Variants in SYMPK observed in about 807,000 individuals in gnomAD.
SYMPK encodes symplekin scaffold protein, also known as symplekin.
Under a neutral mutation model 136.4 loss-of-function variants are expected in SYMPK, and 49 were observed. The ratio of observed to expected loss-of-function variants is 0.36; its 90% confidence interval spans 0.29 to 0.46. The LOEUF (loss-of-function observed/expected upper bound fraction) is 0.46. Among genes scored for constraint, SYMPK ranks in the 20% least tolerant of loss-of-function variants. SYMPK has a pLI of 1.00. For missense variants in SYMPK, 1,365 were observed against 1,690.0 expected, an observed-to-expected ratio of 0.81 and a Z score of 3.37; for synonymous variants, 766 against 713.0, an observed-to-expected ratio of 1.07 and a Z score of -1.19.
intron 5 of SYMPK, 80 bp from the exon 6 acceptor site, chr19:45,848,956 G>T: frequency 6.5e-7 from 1 of 1,534,812 alleles, no homozygotes; most frequent in Non-Finnish European, 9.0e-7. Context: ...CAGGAGGGAA[G>T]GGAAATCAGG....
At chr19:45,840,359 A>G (rs1051856287) in intron 9 of SYMPK, among the ~76,000 whole-genome samples, 7 of 150,394 alleles carry the variant, frequency 4.7e-5, no homozygotes, top group Admixed American at 6.6e-5. Context: ...TGGGTAAAAT[A>G]TAACTTTAAA....
intron 9 of SYMPK, among the ~76,000 whole-genome samples, chr19:45,840,276 C>T (rs1971403124): frequency 7.2e-6 from 1 of 139,374 alleles, no homozygotes; most frequent in Admixed American, 7.7e-5. Flanking sequence ...GATCAGGCCA[C>T]TGTACTCCAG....
Position 45,815,626 on chromosome 19 carries a change from A to G in SYMPK, c.3759T>C (p.Asp1253=), listed in dbSNP as rs772255089. 2.5e-6 allele frequency: 4 copies of G among 1,606,274 alleles called. No homozygotes were observed. Among genetic ancestry groups the G allele is most frequent in the Admixed American group, 1.7e-5 (1 of 59,036 alleles). ...SPQTLAPVGE[D]AMKTPSPAAE... Reference sequence around the variant, plus strand: ...CAGCCGGGCTGGGAGTCTTCATAGCATCTTCTCCAACAGGTGCGAGGGTCT... The same window carrying G: ...CAGCCGGGCTGGGAGTCTTCATAGCGTCTTCTCCAACAGGTGCGAGGGTCT... Residue 1253 remains aspartate, a synonymous_variant, in exon 27 of 27, where the codon GAT becomes GAC. Coordinates refer to ENST00000245934, the MANE Select transcript of SYMPK (RefSeq NM_004819.3).
chr19:45,844,912 T>G (rs916846985), intron 7 of SYMPK, among the ~76,000 whole-genome samples: 1 of 152,152 alleles, frequency 6.6e-6, no homozygotes, highest in African/African-American at 2.4e-5. Context: ...AATGGGTATA[T>G]AGTAGGTGTA....
intron 1 of SYMPK, chr19:45,861,831 G>C (rs1331054185): frequency 2.0e-5 from 3 of 151,872 alleles, no homozygotes; most frequent in Admixed American, 2.0e-4. Context: ...GATCACTTGA[G>C]GTCAGGAGTT....
intron 1 of SYMPK, chr19:45,854,879 C>CTTTTT (rs35065812): frequency 1.6e-4 from 25 of 155,330 alleles, no homozygotes; most frequent in South Asian, 4.3e-4. Context: ...AGCAAACTTT[C>CTTTTT]TTTTTTTTTT....
chr19:45,856,950 C>G (rs1362059155), intron 1 of SYMPK, among the ~76,000 whole-genome samples: 1 of 151,626 alleles, frequency 6.6e-6, no homozygotes, highest in African/African-American at 2.4e-5. Context: ...AACACTGTTC[C>G]CTACTAAAAA....
At chr19:45,838,679 G>T (rs1474326750) in intron 9 of SYMPK, 64 bp from the exon 10 acceptor site, 1 of 1,534,752 alleles carries the variant, frequency 6.5e-7, no homozygotes, top group South Asian at 1.2e-5. Flanking sequence ...CCATCCTTCC[G>T]GGGTGCCCGG....
intron 7 of SYMPK, among the ~76,000 whole-genome samples, chr19:45,846,305 C>A (rs989585843): frequency 6.6e-6 from 1 of 152,176 alleles, no homozygotes; most frequent in East Asian, 1.9e-4. Context: ...TGTAATGTAA[C>A]TATACTATGG....
intron 16 of SYMPK, 150 bp from the exon 17 acceptor site, chr19:45,826,523 G>T (rs1555793813): frequency 2.5e-6 from 2 of 794,088 alleles, no homozygotes; most frequent in Non-Finnish European, 4.1e-6. Flanking sequence ...CTGGTCCCCA[G>T]TGCAGGAGGC....
chr19:45,853,205 G>A (rs1476305287), intron 3 of SYMPK, among the ~76,000 whole-genome samples: 4 of 152,180 alleles, frequency 2.6e-5, no homozygotes, highest in East Asian at 1.9e-4. Flanking sequence ...TGAAGGAGCC[G>A]AACGGGTTCT....
chr19:45,859,536 G>A (rs1394300824), intron 1 of SYMPK, among the ~76,000 whole-genome samples: 6 of 152,022 alleles, frequency 3.9e-5, no homozygotes, highest in Admixed American at 2.6e-4. Context: ...GGAGGCAGAC[G>A]TTGCAGCGAG....
rs772778557 is a variant in SYMPK at position 45,825,253 on chromosome 19, T to C, written c.2408A>G (p.Lys803Arg). 5.0e-6 allele frequency: 8 copies of C among 1,614,044 alleles called. No individual in the cohort carries two copies. Among genetic ancestry groups the C allele is most frequent in the African/African-American group, 2.7e-5 (2 of 74,916 alleles). Residue 803 changes from lysine (K) to arginine (R), a missense_variant, in exon 18 of 27, where the codon AAG becomes AGG. Lys to Arg is a conservative substitution (Grantham distance 26). Transcript: ENST00000245934. ...CACGGCCGCCAGTTCGTGGATCAGC[T>C]TGTGGTTCTGAGGCAGGAGGGCCAG... ...LYLALLPQNHKLIHELAAVYT... is the reference protein window; with the variant it reads ...LYLALLPQNHRLIHELAAVYT...
intron 11 of SYMPK, among the ~76,000 whole-genome samples, chr19:45,831,920 A>T (rs189571380): frequency 1.5e-3 from 222 of 151,918 alleles, no homozygotes; most frequent in Non-Finnish European, 2.6e-3. Context: ...TGCAGTCTTG[A>T]CCTCCTGGGC....
At position 45,815,905 on chromosome 19, in the gene SYMPK, C is replaced by G. The variant is rs750347785; in HGVS notation, c.3633G>C (p.Ser1211=). The G allele has an allele frequency of 1.4e-4, 232 of 1,612,182 alleles. No homozygotes were observed. The highest frequency in any genetic ancestry group is 2.3e-4 in the Admixed American group (14 of 59,950). Residue 1211 remains serine, a synonymous_variant, in exon 26 of 27, where the codon TCG becomes TCC. Transcript: ENST00000245934. ...PGIFISMDDD[S]GLTEAALLDS... Reference sequence around the variant, plus strand: ...CCAACAGCGCGGCCTCGGTCAGCCCCGAGTCGTCATCCATGCTGATGAAGA... The same window carrying G: ...CCAACAGCGCGGCCTCGGTCAGCCCGGAGTCGTCATCCATGCTGATGAAGA...
chr19:45,861,168 C>T (rs1185551412), intron 1 of SYMPK, among the ~76,000 whole-genome samples: 1 of 152,120 alleles, frequency 6.6e-6, no homozygotes, highest in Non-Finnish European at 1.5e-5. Flanking sequence ...GCCTGGGCGA[C>T]AGAATGAGAC....
At position 45,847,884 on chromosome 19, in the gene SYMPK, G is replaced by A; in HGVS notation, c.544C>T (p.His182Tyr). The change falls in exon 7 of 27, where the codon CAC becomes TAC. Residue 182 changes from histidine (H) to tyrosine (Y), a missense_variant. Transcript: ENST00000245934. ...LDSDNDGIRT[H>Y]AIKFVEGLIV... ...AGGCCCTCCACAAACTTGATGGCGT[G>A]GGTGCGGATGCCGTCATTGTCAGAG... is the stretch of plus-strand genomic sequence containing the variant. 1 of 1,614,060 alleles carries A rather than the reference G, an allele frequency of 6.2e-7. No individual in the cohort carries two copies. Among genetic ancestry groups the A allele is most frequent in the Non-Finnish European group, 8.5e-7 (1 of 1,180,004 alleles).
At chr19:45,840,312 CAAAAAAA>C (rs546768442) in intron 9 of SYMPK, among the ~76,000 whole-genome samples, 3 of 57,146 alleles carry the variant, frequency 5.2e-5, no homozygotes, top group Non-Finnish European at 7.3e-5. Flanking sequence ...GAGACTGTCT[CAAAAAAA>C]AAAAAAAAAA....
intron 12 of SYMPK, chr19:45,830,447 G>A (rs1425874818): frequency 8.1e-6 from 4 of 491,918 alleles, no homozygotes; most frequent in African/African-American, 3.9e-5. Flanking sequence ...GGATCTGAAC[G>A]GAGGCAGGGA....
Sources: allele counts gnomAD v4.1 joint callset (sites outside exome capture counted in the v4.1 genomes callset), GRCh38; gene constraint gnomAD v4.1.1; transcripts MANE v1.5; gene names NCBI Gene and HGNC (gene_info 2026-07-23, HGNC 2026-07-21).